HS6ST3: variants seen among roughly 807,000 people sequenced by gnomAD.
The protein encoded by HS6ST3 is heparan sulfate 6-O-sulfotransferase 3.
HS6ST3 carries 12 observed loss-of-function variants against 36.7 expected under a neutral mutation model. The ratio of observed to expected loss-of-function variants is 0.33; its 90% CI spans 0.21 to 0.53. HS6ST3 has a LOEUF of 0.53. HS6ST3 is among the 20% of genes least tolerant of loss of function. The pLI is 0.95. For synonymous variants in HS6ST3, 240 were observed against 257.5 expected (o/e 0.93, Z 0.65); for missense variants, 584 against 640.9 (o/e 0.91, Z 0.96).
At chr13:96,388,751 G>A (rs550715673) in intron 1 of HS6ST3, among the ~76,000 whole-genome samples, 40 of 152,190 alleles carry the variant, frequency 2.6e-4, no homozygotes, top group Middle Eastern at 3.4e-3. Context: ...TGCTGTTGTC[G>A]TGATAATGAG....
intron 1 of HS6ST3, among the ~76,000 whole-genome samples, chr13:96,814,252 T>C (rs754729241): frequency 6.6e-5 from 10 of 152,204 alleles, no homozygotes; most frequent in African/African-American, 1.7e-4. Context: ...AATACTCTGA[T>C]TGTATTACTA....
At chr13:96,773,532 T>C (rs918641678) in intron 1 of HS6ST3, among the ~76,000 whole-genome samples, 1 of 152,050 alleles carries the variant, frequency 6.6e-6, no homozygotes, top group Non-Finnish European at 1.5e-5. Flanking sequence ...TAAGCAATTT[T>C]CCCCTCACAG....
chr13:96,476,030 G>C (rs1290930802), intron 1 of HS6ST3, among the ~76,000 whole-genome samples: 1 of 152,226 alleles, frequency 6.6e-6, no homozygotes. Flanking sequence ...CGCCTTGGAG[G>C]CTGGTAAATT....
At chr13:96,670,386 A>G (rs1044059711) in intron 1 of HS6ST3, among the ~76,000 whole-genome samples, 6 of 152,118 alleles carry the variant, frequency 3.9e-5, no homozygotes, top group Non-Finnish European at 5.9e-5. Context: ...CTTTTTTGGG[A>G]GTTTAATGTA....
At chr13:96,173,592 G>A (rs2054198490) in intron 1 of HS6ST3, among the ~76,000 whole-genome samples, 1 of 141,362 alleles carries the variant, frequency 7.1e-6, no homozygotes, top group African/African-American at 2.6e-5. Flanking sequence ...GTGTAATCAA[G>A]TGAAATCATT....
intron 1 of HS6ST3, among the ~76,000 whole-genome samples, chr13:96,504,884 G>T (rs1227784070): frequency 6.6e-6 from 1 of 152,086 alleles, no homozygotes; most frequent in Non-Finnish European, 1.5e-5. Flanking sequence ...ACAATTTCAA[G>T]ATGTAACTGC....
intron 1 of HS6ST3, among the ~76,000 whole-genome samples, chr13:96,580,132 C>T (rs1231717075): frequency 6.6e-6 from 1 of 150,424 alleles, no homozygotes; most frequent in Non-Finnish European, 1.5e-5. Flanking sequence ...GTCAATTTGA[C>T]TGAGGAATAT....
In HS6ST3 at chr13:96,521,820, T is replaced by G. The variant is rs188251116; in HGVS notation, c.708-310670T>G. 5.7e-3 allele frequency among the ~76,000 whole-genome samples: 862 copies of G among 152,270 alleles called. 8 individuals carry two copies. Among genetic ancestry groups the G allele is most frequent in the Non-Finnish European group, 8.6e-3 (584 of 68,018 alleles). On this transcript the variant is annotated intron_variant, in intron 1 of 1. Transcript: ENST00000376705. ...AAAACCATCTCCTGGATTTATTGAG[T>G]TTTTGAAGGGTTTTCTGTGTCTCTG...
intron 1 of HS6ST3, among the ~76,000 whole-genome samples, chr13:96,736,205 G>A (rs1876281055): frequency 6.6e-6 from 1 of 151,996 alleles, no homozygotes; most frequent in Non-Finnish European, 1.5e-5. Flanking sequence ...CACACATCCT[G>A]CACGTGTACC....
At chr13:96,342,449 G>C (rs1463132111) in intron 1 of HS6ST3, among the ~76,000 whole-genome samples, 1 of 152,188 alleles carries the variant, frequency 6.6e-6, no homozygotes, top group African/African-American at 2.4e-5. Flanking sequence ...CATTCATAGA[G>C]TTCCCCCGAA....
rs556576706 is a variant in HS6ST3 at position 96,836,087 on chromosome 13, G to T, written c.*2889G>T. 1.3e-5 allele frequency: 2 copies of T among 152,236 alleles called. No homozygotes were observed. Among genetic ancestry groups the T allele is most frequent in the Admixed American group, 1.3e-4 (2 of 15,276 alleles). The allele number at this position is 152,236 out of a possible 1,614,324, so 9.4% of individuals were successfully genotyped here. ...TCCATGCTGAGTGATGCTCAGGGAA[G>T]TGATGCCCGCAGAAGGCGTCTGGGC... On this transcript the variant is annotated 3_prime_UTR_variant, in exon 2 of 2. Coordinates refer to ENST00000376705, the MANE Select transcript of HS6ST3 (RefSeq NM_153456.4).
intron 1 of HS6ST3, among the ~76,000 whole-genome samples, chr13:96,703,184 C>T (rs1475578779): frequency 6.6e-6 from 1 of 152,208 alleles, no homozygotes; most frequent in African/African-American, 2.4e-5. Context: ...CATTGGCTCC[C>T]AAGTAGCAAA....
Position 96,346,302 on chromosome 13 carries a change from C to T in HS6ST3, c.707+254733C>T, listed in dbSNP as rs569144184. On this transcript the variant is annotated intron_variant, in intron 1 of 1. Transcript: ENST00000376705. ...TTAAAATAACAAAGCTGGCTGGGTG[C>T]GGTGGCTCATGCCTGTAATCCCAGC... is the stretch of plus-strand genomic sequence containing the variant. Among the ~76,000 whole-genome samples the T allele has an allele frequency of 4.6e-5, 7 of 152,218 alleles. No homozygotes were observed. In the South Asian group the frequency reaches 8.3e-4, roughly 18 times the overall value.
At chr13:96,371,636 C>T (rs1375941261) in intron 1 of HS6ST3, among the ~76,000 whole-genome samples, 1 of 152,160 alleles carries the variant, frequency 6.6e-6, no homozygotes, top group Non-Finnish European at 1.5e-5. Context: ...CACTCCCAGA[C>T]CCTGGAAACC....
chr13:96,735,175 C>A, intron 1 of HS6ST3, among the ~76,000 whole-genome samples: 1 of 151,282 alleles, frequency 6.6e-6, no homozygotes. Context: ...TATTTACCTG[C>A]ACATTTTTAA....
chr13:96,333,230 A>G (rs970888258), intron 1 of HS6ST3, among the ~76,000 whole-genome samples: 8 of 152,246 alleles, frequency 5.3e-5, no homozygotes, highest in African/African-American at 1.7e-4. Flanking sequence ...ATAGGCTAAT[A>G]TTGAGAACCA....
At chr13:96,552,263 T>G (rs1280449456) in intron 1 of HS6ST3, among the ~76,000 whole-genome samples, 1 of 152,218 alleles carries the variant, frequency 6.6e-6, no homozygotes, top group Non-Finnish European at 1.5e-5. Flanking sequence ...GAAGCTCTTT[T>G]GTATTTTTCC....
At chr13:96,685,455 G>C (rs1264285257) in intron 1 of HS6ST3, among the ~76,000 whole-genome samples, 1 of 151,988 alleles carries the variant, frequency 6.6e-6, no homozygotes, top group Non-Finnish European at 1.5e-5. Flanking sequence ...ACATATTTAT[G>C]GTTCTGATCA....
At chr13:96,449,896 T>C (rs1257746613) in intron 1 of HS6ST3, among the ~76,000 whole-genome samples, 1 of 152,212 alleles carries the variant, frequency 6.6e-6, no homozygotes, top group African/African-American at 2.4e-5. Flanking sequence ...AGTTAGAATT[T>C]CTATGAGATG....
Sources: allele counts gnomAD v4.1 joint callset (sites outside exome capture counted in the v4.1 genomes callset), GRCh38; gene constraint gnomAD v4.1.1; transcripts MANE v1.5; gene names NCBI Gene and HGNC (gene_info 2026-07-23, HGNC 2026-07-21).